IRF2: variants seen among roughly 807,000 people sequenced by gnomAD.
IRF2 encodes interferon regulatory factor 2.
IRF2 carries 15 observed loss-of-function variants against 40.6 expected under a neutral mutation model. That is an observed-to-expected ratio of 0.37 (90% confidence interval 0.25 to 0.57). The LOEUF (loss-of-function observed/expected upper bound fraction) is 0.57, where lower values mean the gene tolerates loss of function less well. Among genes scored for constraint, IRF2 ranks in the 20% least tolerant of loss-of-function variants. The pLI, the probability that IRF2 is intolerant of heterozygous loss-of-function variation, is 0.77. For synonymous variants in IRF2, 151 were observed against 165.5 expected, an observed-to-expected ratio of 0.91 and a Z score of 0.67; for missense variants, 317 against 455.7, an observed-to-expected ratio of 0.70 and a Z score of 2.77.
In IRF2 at chr4:184,388,773, G is replaced by C. The variant is rs150796036; in HGVS notation, c.1035C>G (p.Arg345=). 1.2e-6 allele frequency: 2 copies of C among 1,611,214 alleles called. No individual in the cohort carries two copies. Among genetic ancestry groups the C allele is most frequent in the East Asian group, 2.2e-5 (1 of 44,874 alleles). The change falls in exon 9 of 9, where the codon CGC becomes CGG. Residue 345 remains arginine (R), a synonymous_variant. Coordinates refer to ENST00000393593, the MANE Select transcript of IRF2 (RefSeq NM_002199.4). This position sits in a 1 kb window ranked among gnomAD's most constrained non-coding sequence, Gnocchi z 4.6. ...IKKTSDITQA[R]VKSC is the part of the protein sequence containing the mutation. Reference sequence around the variant, plus strand: ...AGTCAGAGGCTTAACAGCTCTTGACGCGGGCCTGGGTGATATCCGATGTTT... The same window carrying C: ...AGTCAGAGGCTTAACAGCTCTTGACCCGGGCCTGGGTGATATCCGATGTTT...
intron 2 of IRF2, among the ~76,000 whole-genome samples, chr4:184,424,385 T>G (rs1401372468): frequency 6.6e-6 from 1 of 152,214 alleles, no homozygotes; most frequent in Non-Finnish European, 1.5e-5. Flanking sequence ...TATTGACATT[T>G]AATCCCCAAT....
At chr4:184,450,228 T>G (rs905415906) in intron 1 of IRF2, among the ~76,000 whole-genome samples, 1 of 152,258 alleles carries the variant, frequency 6.6e-6, no homozygotes, top group Non-Finnish European at 1.5e-5. Context: ...AATAGCTTCA[T>G]GTCAATTCAG....
At chr4:184,406,414 G>C (rs1334177623) in intron 6 of IRF2, among the ~76,000 whole-genome samples, 1 of 151,948 alleles carries the variant, frequency 6.6e-6, no homozygotes, top group Non-Finnish European at 1.5e-5. Flanking sequence ...ATTTTTAGTA[G>C]AGACAGGGTT....
chr4:184,391,380 C>G (rs1736255166), intron 7 of IRF2, among the ~76,000 whole-genome samples: 2 of 152,170 alleles, frequency 1.3e-5, no homozygotes, highest in African/African-American at 4.8e-5. Context: ...TGGATGTGAT[C>G]CTGTGTCCAT....
chr4:184,398,569 T>C (rs931674153), intron 7 of IRF2, among the ~76,000 whole-genome samples: 2 of 151,136 alleles, frequency 1.3e-5, no homozygotes, highest in African/African-American at 2.4e-5. Flanking sequence ...GGCAGAAGAA[T>C]CTCTTGAACC....
intron 6 of IRF2, among the ~76,000 whole-genome samples, chr4:184,402,479 C>T (rs571434446): frequency 5.3e-4 from 80 of 152,246 alleles, no homozygotes; most frequent in Admixed American, 1.4e-3. Context: ...GCTATATACC[C>T]GTATGGAGCT....
chr4:184,440,987 G>A (rs1042313609), intron 1 of IRF2, among the ~76,000 whole-genome samples: 4 of 152,204 alleles, frequency 2.6e-5, no homozygotes, highest in Admixed American at 2.0e-4. Context: ...GCCTGGAAAC[G>A]TCTCGCCATA....
intron 6 of IRF2, among the ~76,000 whole-genome samples, chr4:184,401,753 G>A (rs766625572): frequency 6.6e-6 from 1 of 152,222 alleles, no homozygotes; most frequent in African/African-American, 2.4e-5. Flanking sequence ...AGAGTTTGAG[G>A]AGGGAGGGCG....
chr4:184,402,335 A>G (rs957415541), intron 6 of IRF2, among the ~76,000 whole-genome samples: 1 of 152,066 alleles, frequency 6.6e-6, no homozygotes, highest in Non-Finnish European at 1.5e-5. Context: ...TGACTTCTGG[A>G]GCCCCTTCCT....
chr4:184,466,947 T>C (rs140587601), intron 1 of IRF2, among the ~76,000 whole-genome samples: 1 of 152,294 alleles, frequency 6.6e-6, no homozygotes, highest in African/African-American at 2.4e-5. Context: ...AGTATGATAT[T>C]ATCATCTTAT....
intron 6 of IRF2, among the ~76,000 whole-genome samples, chr4:184,404,969 G>A (rs528022507): frequency 7.9e-5 from 12 of 152,314 alleles, no homozygotes; most frequent in African/African-American, 1.2e-4. Context: ...GAGGCCAGGC[G>A]CGGTGGCTCA....
Position 184,457,849 on chromosome 4 carries a change from C to CAA in IRF2, c.-7+16528_-7+16529dup, listed in dbSNP as rs11450693. On this transcript the variant is annotated intron_variant, in intron 1 of 8. Coordinates refer to ENST00000393593, the MANE Select transcript of IRF2 (RefSeq NM_002199.4). The stretch of plus-strand genomic sequence containing the variant: ...ATGTTCCAAATCCTCAAAAACCTTC[C>CAA]AAAAAAAAAAGAAAAAAGCTGGCTG... Among the ~76,000 whole-genome samples, 1,105 of 148,264 alleles carry CAA rather than the reference C, an allele frequency of 7.5e-3. 14 individuals are homozygous for CAA. Among genetic ancestry groups the CAA allele is most frequent in the African/African-American group, 0.024 (983 of 40,168 alleles).
intron 1 of IRF2, among the ~76,000 whole-genome samples, chr4:184,440,075 CAG>C (rs1445022140): frequency 1.3e-5 from 2 of 152,236 alleles, no homozygotes; most frequent in Admixed American, 1.3e-4. Flanking sequence ...GTAAGAAACA[CAG>C]TGCAAGAACA....
chr4:184,422,648 A>G (rs1737523216), intron 2 of IRF2, among the ~76,000 whole-genome samples: 1 of 152,256 alleles, frequency 6.6e-6, no homozygotes. Flanking sequence ...GAACCTTGAA[A>G]ACATTATGCT....
intron 3 of IRF2, among the ~76,000 whole-genome samples, chr4:184,418,982 G>C (rs1189744726): frequency 1.3e-5 from 2 of 152,170 alleles, no homozygotes; most frequent in Non-Finnish European, 2.9e-5. Flanking sequence ...ATAAATGCTG[G>C]AAGAATGGAG....
At position 184,413,627 on chromosome 4, in the gene IRF2, C is replaced by T. The variant is rs191784412; in HGVS notation, c.411+4540G>A. Reference sequence around the variant, plus strand: ...CTATCTGCTTTTCTGTAACTTCTACCCATAGGTCTGTGCTCAGAACGAATA... The same window carrying T: ...CTATCTGCTTTTCTGTAACTTCTACTCATAGGTCTGTGCTCAGAACGAATA... On this transcript the variant is annotated intron_variant, in intron 5 of 8. Transcript: ENST00000393593. This position sits in a 1 kb window ranked among gnomAD's most constrained non-coding sequence, Gnocchi z 4.2. 2.6e-5 allele frequency among the ~76,000 whole-genome samples: 4 copies of T among 152,294 alleles called. No homozygotes were observed. The East Asian group carries it at 5.8e-4, about 22-fold the overall frequency.
chr4:184,425,899 A>G (rs1737651519), intron 2 of IRF2, among the ~76,000 whole-genome samples: 1 of 152,228 alleles, frequency 6.6e-6, no homozygotes, highest in African/African-American at 2.4e-5. Flanking sequence ...TGGGTGGCTC[A>G]CAGCAACAGA....
At chr4:184,399,158 C>A in intron 6 of IRF2, 79 bp from the exon 7 acceptor site, 1 of 1,444,756 alleles carries the variant, frequency 6.9e-7, no homozygotes, top group Non-Finnish European at 9.2e-7. Flanking sequence ...AGAGTCTTCC[C>A]CAAAAGAGCC....
chr4:184,418,079 A>C lies in IRF2; in HGVS notation c.411+88T>G. 3.2e-6 allele frequency: 3 copies of C among 933,616 alleles called. No individual in the cohort carries two copies. The South Asian group carries it at 4.0e-5, about 12-fold the overall frequency. 57.8% of individuals were successfully genotyped at this position (933,616 alleles called of 1,614,324 possible). A position where few individuals can be genotyped will look rare whatever the true frequency, so the allele number is the denominator to read the frequency against. On this transcript the variant is annotated intron_variant, in intron 5 of 8. Coordinates refer to ENST00000393593, the MANE Select transcript of IRF2 (RefSeq NM_002199.4). ...GCAAAGGAAGAAAGAGGACACACTG[A>C]GGTCCTGTGACTCATCTTTACAAGG...
Sources: allele counts gnomAD v4.1 joint callset (sites outside exome capture counted in the v4.1 genomes callset), GRCh38; gene constraint gnomAD v4.1.1; non-coding constraint Gnocchi (gnomAD v3.1); transcripts MANE v1.5; gene names NCBI Gene and HGNC (gene_info 2026-07-23, HGNC 2026-07-21).